Variants in STYXL2 observed in about 807,000 individuals in gnomAD.
The protein encoded by STYXL2 is serine/threonine/tyrosine-interacting-like protein 2.
A neutral mutation model predicts 52.4 loss-of-function variants in STYXL2; 44 were observed. The ratio of observed to expected loss-of-function variants is 0.84; its 90% CI spans 0.66 to 1.08. STYXL2 has a LOEUF of 1.08. STYXL2 is among the 50% of genes least tolerant of loss of function. The probability of loss-of-function intolerance (pLI) is 0.00; values close to 1 mark genes in which losing one functional copy is unlikely to be tolerated. For missense variants in STYXL2, 1,604 were observed against 1,471.7 expected, an observed-to-expected ratio of 1.09 and a Z score of -1.47; for synonymous variants, 604 against 586.9, an observed-to-expected ratio of 1.03 and a Z score of -0.42.
intron 5 of STYXL2, among the ~76,000 whole-genome samples, chr1:167,121,515 C>G (rs1157158310): frequency 6.6e-6 from 1 of 152,272 alleles, no homozygotes; most frequent in Non-Finnish European, 1.5e-5. Flanking sequence ...CGCAGCATCC[C>G]AGGGCGGATG....
At position 167,127,665 on chromosome 1, in the gene STYXL2, T is replaced by C. The variant is rs1202638537; in HGVS notation, c.2534T>C (p.Met845Thr). The C allele has an allele frequency of 6.2e-7, 1 of 1,614,002 alleles. No homozygotes were observed. Among genetic ancestry groups the C allele is most frequent in the Non-Finnish European group, 8.5e-7 (1 of 1,180,016 alleles). Reference sequence around the variant, plus strand: ...GGCCGGAAGGAGAAGGAGATGCAGATGGAGCTTAGGGAGAAGATGTCTGAG... The same window carrying C: ...GGCCGGAAGGAGAAGGAGATGCAGACGGAGCTTAGGGAGAAGATGTCTGAG... ...ELGRKEKEMQ[M>T]ELREKMSEYK... Residue 845 changes from methionine to threonine, a missense_variant, in exon 6 of 6, where the codon ATG becomes ACG. Met to Thr is a moderately conservative substitution (Grantham distance 81). Transcript: ENST00000361200.
chr1:167,128,125 C>T lies in STYXL2; in HGVS notation c.2994C>T (p.Gly998=), dbSNP rs576532278. Residue 998 remains glycine, a synonymous_variant, in exon 6 of 6, where the codon GGC becomes GGT. Transcript: ENST00000361200. ...CCTCCTCCTACCACGAGGCAAATGG[C>T]AACTCTGTAAGAAGCACTTCACGGT... ...QDTSSYHEAN[G]NSVRSTSRFS... is the part of the protein sequence containing the mutation. 31 of 1,614,212 alleles carry T rather than the reference C, an allele frequency of 1.9e-5. No individual in the cohort carries two copies. The Admixed American group carries it at 3.2e-4, about 16-fold the overall frequency.
rs1667999425 is a variant in STYXL2 at position 167,127,436 on chromosome 1, T to A, written c.2305T>A (p.Ser769Thr). ...TAGCTGCCTGGGGGATGACCAAGTC[T>A]CCATGCTTAGTGGACACAGCAGCTC... The part of the protein sequence containing the change: ...AASCLGDDQV[S>T]MLSGHSSSSL... The change falls in exon 6 of 6, where the codon TCC becomes ACC. Residue 769 changes from serine (S) to threonine (T), a missense_variant. Ser to Thr is a moderately conservative substitution (Grantham distance 58). Transcript: ENST00000361200. The A allele has an allele frequency of 6.2e-7, 1 of 1,613,952 alleles. No individual in the cohort carries two copies. Among genetic ancestry groups the A allele is most frequent in the Non-Finnish European group, 8.5e-7 (1 of 1,180,004 alleles).
rs1420638143 is a variant in STYXL2, at chr1:167,094,211, C to G, written c.-17+17C>G. The G allele has an allele frequency of 1.3e-5, 2 of 152,566 alleles. No homozygotes were observed. The highest frequency in any genetic ancestry group is 4.8e-5 in the African/African-American group (2 of 41,460). The allele number at this position is 152,566 out of a possible 1,614,324, so 9.5% of individuals were successfully genotyped here. A position where few individuals can be genotyped will look rare whatever the true frequency, so the allele number is the denominator to read the frequency against. ...AGGTTAGAGGTGAGTGTGCTTCTCC[C>G]CTTGTCAATCCTGGTGAGCCCAGGA... On this transcript the variant is annotated intron_variant, in intron 1 of 5. Transcript: ENST00000361200.
Position 167,127,419 on chromosome 1 carries a change from TG to T in STYXL2, c.2293del (p.Asp765MetfsTer41), listed in dbSNP as rs1667999122. The T allele has an allele frequency of 6.2e-7, 1 of 1,614,104 alleles. No individual in the cohort carries two copies. Among genetic ancestry groups the T allele is most frequent in the Non-Finnish European group, 8.5e-7 (1 of 1,179,988 alleles). ...SMKAVPAASC[L>X]GDDQVSMLSG... ...AAGGCAGTACCAGCGGCTAGCTGCC[TG>T]GGGGATGACCAAGTCTCCATGCTTA... On this transcript the variant is annotated frameshift_variant, in exon 6 of 6. Coordinates refer to ENST00000361200, the MANE Select transcript of STYXL2 (RefSeq NM_001080426.3). LOFTEE classifies it high-confidence loss of function.
In STYXL2 at chr1:167,128,003, T is replaced by G. The variant is rs200205531; in HGVS notation, c.2872T>G (p.Ser958Ala). 4.6e-5 allele frequency: 74 copies of G among 1,613,990 alleles called. No individual in the cohort carries two copies. In the Middle Eastern group the frequency reaches 1.3e-3, roughly 29 times the overall value. The change falls in exon 6 of 6, where the codon TCC becomes GCC. Residue 958 changes from serine to alanine, a missense_variant. Coordinates refer to ENST00000361200, the MANE Select transcript of STYXL2 (RefSeq NM_001080426.3). ...PPFQSDWSGS[S>A]RGKYTRSSLL... ...TTTCCAAAGTGACTGGTCTGGAAGT[T>G]CCAGAGGGAAGTACACCAGATCGTC...
Position 167,126,974 on chromosome 1 carries a change from G to C in STYXL2, c.1843G>C (p.Glu615Gln), listed in dbSNP as rs867643169. Residue 615 changes from glutamate to glutamine, a missense_variant, in exon 6 of 6, where the codon GAG becomes CAG. Glu to Gln is a conservative substitution (Grantham distance 29). Coordinates refer to ENST00000361200, the MANE Select transcript of STYXL2 (RefSeq NM_001080426.3). ...GGAGGTGGTGGAGCTCAGCAAGGGG[G>C]AGGACTCGGCCTTGGCTAAGAAGAG... ...KEEVVELSKG[E>Q]DSALAKKRQR... is the part of the protein sequence containing the mutation. 1.9e-6 allele frequency: 3 copies of C among 1,610,020 alleles called. No homozygotes were observed. Among genetic ancestry groups the C allele is most frequent in the African/African-American group, 2.7e-5 (2 of 74,884 alleles).
chr1:167,111,466 GTACA>G (rs1244182735), intron 2 of STYXL2, among the ~76,000 whole-genome samples: 42 of 78,510 alleles, frequency 5.3e-4, no homozygotes, highest in South Asian at 1.7e-3. Flanking sequence ...GGAAAATATG[GTACA>G]TATATATATA....
At chr1:167,107,757 A>G (rs960968906) in intron 2 of STYXL2, among the ~76,000 whole-genome samples, 4 of 152,212 alleles carry the variant, frequency 2.6e-5, no homozygotes, top group Non-Finnish European at 5.9e-5. Context: ...GCCTTCATAG[A>G]GGGTATGATC....
rs1026045474 is a variant in STYXL2 at position 167,117,611 on chromosome 1, C to T, written c.437+52C>T. 11 of 1,482,962 alleles carry T rather than the reference C, an allele frequency of 7.4e-6. 1 individual carries two copies. In the African/African-American group the frequency reaches 1.5e-4, roughly 21 times the overall value. 91.9% of individuals were successfully genotyped at this position (1,482,962 alleles called of 1,614,324 possible). On this transcript the variant is annotated intron_variant, in intron 4 of 5. Coordinates refer to ENST00000361200, the MANE Select transcript of STYXL2 (RefSeq NM_001080426.3). ...TTTGTCCTAACCCTCTGGTTAGTGC[C>T]TGAGACAGACGAAACTCCCCCAACT...
chr1:167,106,965 C>T (rs1022623614), intron 2 of STYXL2, among the ~76,000 whole-genome samples: 1 of 152,174 alleles, frequency 6.6e-6, no homozygotes, highest in Non-Finnish European at 1.5e-5. Context: ...TGACTAAGGA[C>T]AATAATTTCA....
At chr1:167,115,407 T>C (rs1422180542) in intron 3 of STYXL2, among the ~76,000 whole-genome samples, 7 of 152,104 alleles carry the variant, frequency 4.6e-5, no homozygotes, top group African/African-American at 1.4e-4. Flanking sequence ...TAGAAAGAAA[T>C]TGATGCAGGG....
intron 2 of STYXL2, among the ~76,000 whole-genome samples, chr1:167,107,992 G>A: frequency 6.6e-6 from 1 of 152,198 alleles, no homozygotes; most frequent in East Asian, 1.9e-4. Flanking sequence ...GGAACTTGGT[G>A]AGAATGACAG....
At position 167,125,829 on chromosome 1, in the gene STYXL2, CA is replaced by C. The variant is rs1451540531; in HGVS notation, c.699del (p.Val234CysfsTer7). On this transcript the variant is annotated frameshift_variant, in exon 6 of 6. Coordinates refer to ENST00000361200, the MANE Select transcript of STYXL2 (RefSeq NM_001080426.3). LOFTEE classifies it low-confidence loss of function (END_TRUNC). The part of the protein sequence containing the change: ...VSSEMGISRS[A>X]VLVVAYLMIF... ...AGCGAAATGGGCATCAGCCGGTCAG[CA>C]GTGCTGGTGGTCGCCTACCTGATGA... 2.7e-5 allele frequency: 43 copies of C among 1,611,626 alleles called. No homozygotes were observed. Among genetic ancestry groups the C allele is most frequent in the Non-Finnish European group, 3.3e-5 (39 of 1,179,076 alleles).
rs775142133 is a variant in STYXL2, at chr1:167,119,269, G to A, written c.458G>A (p.Gly153Glu). Reference protein sequence around the residue: ...IAEKSVAVNKGRLKRLGITHI... With the variant: ...IAEKSVAVNKERLKRLGITHI... ...CGCAGGAGTGTGGCTGTGAACAAGG[G>A]GAGGCTGAAGAGGCTGGGAATCACC... The change falls in exon 5 of 6, where the codon GGG becomes GAG. Residue 153 changes from glycine to glutamate, a missense_variant. Coordinates refer to ENST00000361200, the MANE Select transcript of STYXL2 (RefSeq NM_001080426.3). 6.2e-6 allele frequency: 10 copies of A among 1,614,214 alleles called. No individual in the cohort carries two copies. Among genetic ancestry groups the A allele is most frequent in the Middle Eastern group, 1.6e-4 (1 of 6,062 alleles).
intron 2 of STYXL2, among the ~76,000 whole-genome samples, chr1:167,108,159 G>A (rs1667543756): frequency 6.6e-6 from 1 of 152,138 alleles, no homozygotes; most frequent in Non-Finnish European, 1.5e-5. Context: ...GCCTTACCAT[G>A]GTCCATCCAT....
rs766345985 is a variant in STYXL2, at chr1:167,111,531, A to AAT, written c.111-2167_111-2166dup. ...ATATATATACACACACACACACACA[A>AAT]ATATATATATATACTATGGAATAAT... On this transcript the variant is annotated intron_variant, in intron 2 of 5. Transcript: ENST00000361200. Among the ~76,000 whole-genome samples, 714 of 121,380 alleles carry AAT rather than the reference A, an allele frequency of 5.9e-3. 6 individuals are homozygous for AAT. The highest frequency in any genetic ancestry group is 0.031 in the Middle Eastern group (6 of 196). The allele number at this position is 121,380 out of a possible 152,430, so 79.6% of individuals were successfully genotyped here.
intron 2 of STYXL2, among the ~76,000 whole-genome samples, chr1:167,106,317 G>C (rs189161237): frequency 2.0e-5 from 3 of 152,282 alleles, no homozygotes; most frequent in Admixed American, 2.0e-4. Flanking sequence ...TTTTCAGTCT[G>C]TATCAGTTGC....
intron 2 of STYXL2, among the ~76,000 whole-genome samples, chr1:167,102,744 C>A (rs1292974002): frequency 6.6e-6 from 1 of 152,194 alleles, no homozygotes; most frequent in South Asian, 2.1e-4. Context: ...CCATCCTGAA[C>A]AGTCCTCCTT....
Sources: allele counts gnomAD v4.1 joint callset (sites outside exome capture counted in the v4.1 genomes callset), GRCh38; gene constraint gnomAD v4.1.1; transcripts MANE v1.5; gene names NCBI Gene and HGNC (gene_info 2026-07-23, HGNC 2026-07-21).